ZBTB20: variants seen among roughly 807,000 people sequenced by gnomAD.
ZBTB20 encodes zinc finger and BTB domain containing 20, also known as zinc finger and BTB domain-containing protein 20.
In ZBTB20, 9 loss-of-function variants were observed where a neutral mutation model predicts 56.9. That is an observed-to-expected ratio of 0.16 (90% CI 0.10 to 0.28). ZBTB20 has a LOEUF of 0.28. Among genes scored for constraint, ZBTB20 ranks in the 10% least tolerant of loss-of-function variants. ZBTB20 has a pLI of 1.00. For synonymous variants in ZBTB20, 417 were observed against 420.7 expected (o/e 0.99, Z 0.11); for missense variants, 655 against 1,003.0 (o/e 0.65, Z 4.69).
At chr3:114,634,764 C>G (rs1042640646) in intron 6 of ZBTB20, among the ~76,000 whole-genome samples, 16 of 152,318 alleles carry the variant, frequency 1.1e-4, no homozygotes, top group African/African-American at 3.8e-4. Flanking sequence ...ACTGCTTCAG[C>G]TCATGATTTC....
chr3:114,960,748 G>T (rs1289279369), intron 3 of ZBTB20, among the ~76,000 whole-genome samples: 1 of 152,120 alleles, frequency 6.6e-6, no homozygotes, highest in African/African-American at 2.4e-5. Context: ...ATCATCAGAA[G>T]TGCTTTGGAT....
At chr3:115,034,501 A>G (rs2080833822) in intron 2 of ZBTB20, among the ~76,000 whole-genome samples, 1 of 151,938 alleles carries the variant, frequency 6.6e-6, no homozygotes, top group African/African-American at 2.4e-5. Context: ...GTAGTATCAC[A>G]AAGAATAATA....
chr3:114,611,191 A>G (rs778028071), intron 6 of ZBTB20, among the ~76,000 whole-genome samples: 2 of 152,140 alleles, frequency 1.3e-5, no homozygotes, highest in African/African-American at 2.4e-5. Flanking sequence ...GATTTGGTTG[A>G]ACTGAAGAAG....
chr3:114,706,732 G>A (rs1250205647), intron 5 of ZBTB20, among the ~76,000 whole-genome samples: 1 of 152,054 alleles, frequency 6.6e-6, no homozygotes, highest in Non-Finnish European at 1.5e-5. Flanking sequence ...AAAGCTCTTT[G>A]AGATTATTCA....
At chr3:114,636,151 C>A (rs745561940) in intron 6 of ZBTB20, among the ~76,000 whole-genome samples, 11 of 152,074 alleles carry the variant, frequency 7.2e-5, no homozygotes, top group Non-Finnish European at 1.5e-4. Flanking sequence ...GATCAAAAAA[C>A]AACAACAACC....
chr3:114,433,753 A>C (rs1032679472), intron 7 of ZBTB20, among the ~76,000 whole-genome samples: 1 of 152,224 alleles, frequency 6.6e-6, no homozygotes, highest in Non-Finnish European at 1.5e-5. Flanking sequence ...GTATGTAATC[A>C]GTGCCACAGG....
chr3:115,118,126 A>G (rs2084074281), intron 1 of ZBTB20, among the ~76,000 whole-genome samples: 1 of 152,248 alleles, frequency 6.6e-6, no homozygotes, highest in Admixed American at 6.5e-5. Flanking sequence ...TTCATTACAT[A>G]GTAATCCAAT....
chr3:114,428,141 T>C (rs865992729), intron 7 of ZBTB20, among the ~76,000 whole-genome samples: 1 of 151,900 alleles, frequency 6.6e-6, no homozygotes, highest in Non-Finnish European at 1.5e-5. Flanking sequence ...GAAGAGAAAA[T>C]AGAGAGAATC....
intron 5 of ZBTB20, among the ~76,000 whole-genome samples, chr3:114,717,842 T>C (rs2064601786): frequency 6.6e-6 from 1 of 152,104 alleles, no homozygotes; most frequent in Admixed American, 6.6e-5. Context: ...TTGCAACAAT[T>C]TAACACGGAT....
At chr3:115,078,712 G>A (rs973832497) in intron 1 of ZBTB20, among the ~76,000 whole-genome samples, 1 of 150,378 alleles carries the variant, frequency 6.6e-6, no homozygotes, top group African/African-American at 2.4e-5. Flanking sequence ...ACCAGCAATG[G>A]TAATAACAAG....
At chr3:115,067,344 A>G (rs2082242311) in intron 2 of ZBTB20, among the ~76,000 whole-genome samples, 1 of 152,042 alleles carries the variant, frequency 6.6e-6, no homozygotes, top group East Asian at 1.9e-4. Context: ...TAATTCAATG[A>G]TATTTATTAT....
At chr3:114,380,138 A>G in intron 10 of ZBTB20, 79 bp downstream of exon 10, 2 of 1,369,512 alleles carry the variant, frequency 1.5e-6, no homozygotes, top group East Asian at 2.6e-5. Flanking sequence ...CTCGCTCTGA[A>G]AGTAGAAAAG....
chr3:115,123,642 A>C (rs1405611151), intron 1 of ZBTB20, among the ~76,000 whole-genome samples: 2 of 152,192 alleles, frequency 1.3e-5, no homozygotes, highest in Non-Finnish European at 2.9e-5. Context: ...ATGACCTAAG[A>C]CCTGACATAT....
intron 2 of ZBTB20, among the ~76,000 whole-genome samples, chr3:115,043,070 G>A (rs1225315703): frequency 2.6e-5 from 4 of 152,094 alleles, no homozygotes; most frequent in African/African-American, 9.7e-5. Flanking sequence ...GTTTTCGGTT[G>A]CATCTTTCTA....
chr3:114,358,690 G>C (rs1429451129), intron 10 of ZBTB20, among the ~76,000 whole-genome samples: 1 of 151,990 alleles, frequency 6.6e-6, no homozygotes. Flanking sequence ...AGCTGCTTTG[G>C]GGGTCACTTG....
chr3:114,708,318 C>T (rs1035476717), intron 5 of ZBTB20, among the ~76,000 whole-genome samples: 3 of 152,124 alleles, frequency 2.0e-5, no homozygotes, highest in South Asian at 2.1e-4. Flanking sequence ...AATCAAATCA[C>T]TTTTGGAAGA....
intron 5 of ZBTB20, among the ~76,000 whole-genome samples, chr3:114,707,857 G>A (rs2063809925): frequency 6.6e-6 from 1 of 152,180 alleles, no homozygotes; most frequent in African/African-American, 2.4e-5. Flanking sequence ...CAAGTATCCT[G>A]TAGTCTGCTG....
intron 6 of ZBTB20, among the ~76,000 whole-genome samples, chr3:114,691,547 A>AAATAAT (rs1340129990): frequency 4.6e-5 from 7 of 151,978 alleles, no homozygotes; most frequent in Admixed American, 1.3e-4. Flanking sequence ...ATTGAGATAT[A>AAATAAT]AATAATAATA....
chr3:114,677,757 A>G (rs1427171746), intron 6 of ZBTB20, among the ~76,000 whole-genome samples: 2 of 152,176 alleles, frequency 1.3e-5, no homozygotes, highest in Non-Finnish European at 2.9e-5. Context: ...CTAAAACTGT[A>G]TCATTAAAAG....
Sources: gnomAD v4.1 joint callset for allele counts (sites outside exome capture counted in the v4.1 genomes callset) on GRCh38, gnomAD v4.1.1 for gene constraint, MANE v1.5 for transcripts, NCBI Gene and HGNC (gene_info 2026-07-23, HGNC 2026-07-21) for gene names.